The following TXLNB variants were observed in gnomAD, a reference collection of about 807,000 sequenced individuals.
TXLNB encodes the protein beta-taxilin.
Under a neutral mutation model 57.4 loss-of-function variants are expected in TXLNB, and 37 were observed. That is an observed-to-expected ratio of 0.64 (90% CI 0.50 to 0.85). TXLNB has a LOEUF of 0.85. Among genes scored for constraint, TXLNB ranks in the 40% least tolerant of loss-of-function variants. TXLNB has a pLI of 0.00. For synonymous variants in TXLNB, 302 were observed against 309.6 expected (o/e 0.98, Z 0.26); for missense variants, 848 against 825.6 (o/e 1.03, Z -0.33).
the TXLNB span, chr6:139,234,337 T>C: frequency 6.6e-6 from 1 of 152,216 alleles, no homozygotes; most frequent in Non-Finnish European, 1.5e-5. Flanking sequence ...CTCCAGGGCA[T>C]GTCTGAGACC....
chr6:139,234,176 C>A, the TXLNB span: 1 of 152,024 alleles, frequency 6.6e-6, no homozygotes, highest in Non-Finnish European at 1.5e-5. Context: ...GGAAGCAGAG[C>A]ATAAAGGTTT....
the TXLNB span, among the ~76,000 whole-genome samples, chr6:139,229,384 G>T: frequency 6.6e-6 from 1 of 152,054 alleles, no homozygotes. Flanking sequence ...GACCAATGGC[G>T]TGGTCTTGGT....
At chr6:139,295,422 C>T (rs1777371910), upstream of TXLNB, among the ~76,000 whole-genome samples, 1 of 152,190 alleles carries the variant, frequency 6.6e-6, no homozygotes, top group Admixed American at 6.5e-5. Context: ...GAAAATACAT[C>T]TAACTGTTTA....
chr6:139,255,644 AG>A lies in TXLNB; in HGVS notation c.1003-7del. On this transcript the variant is annotated splice_region_variant and splice_polypyrimidine_tract_variant and intron_variant, in intron 6 of 9. Coordinates refer to ENST00000358430, the MANE Select transcript of TXLNB (RefSeq NM_153235.4). ...TCTGCTGCCTGGTTCAGCAACTATG[AG>A]AAGAGAGAGTGTGTGGAAAGATGGT... 1.2e-6 allele frequency: 2 copies of A among 1,612,204 alleles called. No homozygotes were observed. The highest frequency in any genetic ancestry group is 1.7e-6 in the Non-Finnish European group (2 of 1,178,582).
the TXLNB span, among the ~76,000 whole-genome samples, chr6:139,303,032 G>A: frequency 6.6e-6 from 1 of 152,014 alleles, no homozygotes; most frequent in South Asian, 2.1e-4. Context: ...ATTCCAAAGT[G>A]GTTTTCAAAA....
At chr6:139,220,950 TTCTG>T in the TXLNB span, among the ~76,000 whole-genome samples, 2 of 152,174 alleles carry the variant, frequency 1.3e-5, no homozygotes, top group African/African-American at 4.8e-5. Context: ...TGGATGGGAA[TTCTG>T]CTTCTTGTAA....
chr6:139,320,104 T>C, the TXLNB span, among the ~76,000 whole-genome samples: 2 of 152,192 alleles, frequency 1.3e-5, no homozygotes, highest in African/African-American at 4.8e-5. Context: ...CAATGTGGTA[T>C]TAAATTATTA....
the TXLNB span, among the ~76,000 whole-genome samples, chr6:139,312,218 C>T: frequency 6.6e-6 from 1 of 152,138 alleles, no homozygotes; most frequent in Admixed American, 6.5e-5. Context: ...GGTAGGCTTT[C>T]CTGTGAAGGA....
chr6:139,191,830 A>C, the TXLNB span, among the ~76,000 whole-genome samples: 1 of 152,160 alleles, frequency 6.6e-6, no homozygotes, highest in Admixed American at 6.5e-5. Context: ...GGGACGCGAG[A>C]CAGAATGGAA....
the TXLNB span, chr6:139,182,864 A>G: frequency 2.5e-4 from 38 of 152,328 alleles, no homozygotes; most frequent in African/African-American, 8.7e-4. Flanking sequence ...GTAAAACAAC[A>G]CTGGTTACAT....
At chr6:139,292,047 T>TACACAC (rs139086968), upstream of TXLNB, 1 of 150,522 alleles carries the variant, frequency 6.6e-6, no homozygotes, top group Non-Finnish European at 1.5e-5. This position sits in a 1 kb window ranked among gnomAD's most constrained non-coding sequence, Gnocchi z 4.0. Context: ...AGAAACCCAA[T>TACACAC]ACACACACAC....
chr6:139,224,973 A>G, the TXLNB span, among the ~76,000 whole-genome samples: 1 of 152,206 alleles, frequency 6.6e-6, no homozygotes, highest in Non-Finnish European at 1.5e-5. Context: ...CCAGTAATGT[A>G]AAAAGAATAT....
intron 2 of TXLNB, among the ~76,000 whole-genome samples, chr6:139,279,853 TGCTCA>T (rs2114606709): frequency 6.6e-6 from 1 of 152,306 alleles, no homozygotes; most frequent in South Asian, 2.1e-4. Flanking sequence ...CACTGCGAAA[TGCTCA>T]GCGTGGTAGG....
intron 6 of TXLNB, among the ~76,000 whole-genome samples, chr6:139,258,163 C>T (rs1034175635): frequency 3.3e-5 from 5 of 152,136 alleles, no homozygotes; most frequent in Non-Finnish European, 7.4e-5. Context: ...AGCTGCAAGC[C>T]AGGTAGGTGG....
chr6:139,323,560 G>A, the TXLNB span, among the ~76,000 whole-genome samples: 1 of 152,186 alleles, frequency 6.6e-6, no homozygotes, highest in Non-Finnish European at 1.5e-5. Context: ...TGGGATTACA[G>A]GCGTGAGCCA....
the TXLNB span, among the ~76,000 whole-genome samples, chr6:139,184,489 G>A: frequency 6.6e-6 from 1 of 152,152 alleles, no homozygotes; most frequent in African/African-American, 2.4e-5. Context: ...ATCAATAGTT[G>A]TGTCTTCACC....
At chr6:139,316,146 C>T in the TXLNB span, among the ~76,000 whole-genome samples, 52 of 152,302 alleles carry the variant, frequency 3.4e-4, no homozygotes, top group Middle Eastern at 6.8e-3. Flanking sequence ...TAGGTTATAT[C>T]GGCCTAAGCC....
Position 139,288,914 on chromosome 6 carries a change from C to G in TXLNB, c.-14-1G>C. The G allele has an allele frequency of 6.2e-7, 1 of 1,606,266 alleles. No individual in the cohort carries two copies. The highest frequency in any genetic ancestry group is 8.5e-7 in the Non-Finnish European group (1 of 1,175,088). ...TTAGCCTCCATCTTGGGAGTAGTAT[C>G]TAGTGGTAAGCACAGTTAGGCTTTA... On this transcript the variant is annotated splice_acceptor_variant, in intron 1 of 9. Transcript: ENST00000358430. LOFTEE classifies it low-confidence loss of function (5UTR_SPLICE).
chr6:139,191,359 C>T, the TXLNB span, among the ~76,000 whole-genome samples: 3 of 152,078 alleles, frequency 2.0e-5, no homozygotes, highest in African/African-American at 7.2e-5. Context: ...GTGGAGGTTG[C>T]GGTGAGCCGA....
Sources: allele counts gnomAD v4.1 joint callset (sites outside exome capture counted in the v4.1 genomes callset), GRCh38; gene constraint gnomAD v4.1.1; non-coding constraint Gnocchi (gnomAD v3.1); transcripts MANE v1.5; gene names NCBI Gene and HGNC (gene_info 2026-07-23, HGNC 2026-07-21).